DLG2: variants seen among roughly 807,000 people sequenced by gnomAD.
DLG2 encodes the protein disks large homolog 2.
In DLG2, 45 loss-of-function variants were observed where a neutral mutation model predicts 132.5. That is an observed-to-expected ratio of 0.34 (90% confidence interval 0.27 to 0.44). DLG2 has a LOEUF of 0.44. Among genes scored for constraint, DLG2 ranks in the 20% least tolerant of loss-of-function variants. DLG2 has a pLI of 1.00. For missense variants in DLG2, 1,045 were observed against 1,196.9 expected (o/e 0.87, Z 1.87); for synonymous variants, 424 against 419.6 (o/e 1.01, Z -0.13).
At chr11:84,945,673 C>T (rs916939268) in intron 6 of DLG2, among the ~76,000 whole-genome samples, 1 of 152,172 alleles carries the variant, frequency 6.6e-6, no homozygotes, top group Non-Finnish European at 1.5e-5. Flanking sequence ...AGCCTGCCAG[C>T]CCAGGGCACG....
At chr11:84,193,469 A>G (rs1349820) in intron 8 of DLG2, among the ~76,000 whole-genome samples, 100,208 of 152,038 alleles carry the variant, frequency 0.66, 34,646 homozygotes, top group Middle Eastern at 0.79. Flanking sequence ...CAGTGCTTAG[A>G]AGAATGGCTG....
intron 7 of DLG2, among the ~76,000 whole-genome samples, chr11:84,263,948 C>T (rs765404375): frequency 6.6e-5 from 10 of 152,202 alleles, no homozygotes; most frequent in South Asian, 2.1e-4. Context: ...CATTACAAGA[C>T]GAACAGGGTA....
At chr11:84,291,032 A>G (rs2097987569) in intron 7 of DLG2, among the ~76,000 whole-genome samples, 1 of 152,178 alleles carries the variant, frequency 6.6e-6, no homozygotes, top group African/African-American at 2.4e-5. Flanking sequence ...GGCATACATT[A>G]TACATTCAAT....
intron 7 of DLG2, among the ~76,000 whole-genome samples, chr11:84,470,496 A>G (rs1229428982): frequency 2.6e-5 from 4 of 151,786 alleles, no homozygotes; most frequent in African/African-American, 7.2e-5. Context: ...ATTTACTGAG[A>G]TAAGTGCTTG....
intron 6 of DLG2, among the ~76,000 whole-genome samples, chr11:84,646,319 GAA>G (rs2099674919): frequency 6.9e-6 from 1 of 144,470 alleles, no homozygotes; most frequent in African/African-American, 2.8e-5. Context: ...GGCTGTAAAT[GAA>G]AAGAAGGACT....
intron 16 of DLG2, among the ~76,000 whole-genome samples, chr11:83,868,454 C>T (rs1288808654): frequency 6.6e-6 from 1 of 152,020 alleles, no homozygotes; most frequent in African/African-American, 2.4e-5. Context: ...TATAAATAAA[C>T]TCTTCAGCTG....
At chr11:84,740,620 A>G (rs1207512106) in intron 6 of DLG2, among the ~76,000 whole-genome samples, 1 of 152,076 alleles carries the variant, frequency 6.6e-6, no homozygotes, top group Non-Finnish European at 1.5e-5. Context: ...CTCCATCTTC[A>G]TTCCACCAAT....
At chr11:83,923,183 C>A in intron 15 of DLG2, among the ~76,000 whole-genome samples, 1 of 152,174 alleles carries the variant, frequency 6.6e-6, no homozygotes, top group Middle Eastern at 3.4e-3. Flanking sequence ...GTGATAGCAA[C>A]AAAAATCAAT....
At chr11:84,188,894 T>C (rs1399270286) in intron 8 of DLG2, among the ~76,000 whole-genome samples, 1 of 152,190 alleles carries the variant, frequency 6.6e-6, no homozygotes, top group Non-Finnish European at 1.5e-5. Flanking sequence ...GCCTTCTTTT[T>C]GAAAGCCCTT....
intron 14 of DLG2, among the ~76,000 whole-genome samples, chr11:83,943,888 C>T (rs2083224610): frequency 6.6e-6 from 1 of 152,158 alleles, no homozygotes; most frequent in Non-Finnish European, 1.5e-5. Flanking sequence ...ATCTCTATTG[C>T]CTGAATCTTG....
At chr11:84,954,226 T>C (rs1435285666) in intron 6 of DLG2, among the ~76,000 whole-genome samples, 1 of 152,046 alleles carries the variant, frequency 6.6e-6, no homozygotes, top group Non-Finnish European at 1.5e-5. Context: ...CTCTCCTCTT[T>C]CTACTGTCTA....
intron 7 of DLG2, among the ~76,000 whole-genome samples, chr11:84,348,484 T>C (rs1195749064): frequency 6.6e-6 from 1 of 152,198 alleles, no homozygotes; most frequent in Admixed American, 6.5e-5. Context: ...CAGGGATCTC[T>C]GGAATAAATA....
chr11:84,264,008 G>A (rs970588814), intron 7 of DLG2, among the ~76,000 whole-genome samples: 1 of 152,060 alleles, frequency 6.6e-6, no homozygotes, highest in South Asian at 2.1e-4. Flanking sequence ...CATAACATCT[G>A]TAAGTCTAAG....
chr11:83,849,855 A>G (rs1236352149), intron 16 of DLG2, among the ~76,000 whole-genome samples: 2 of 152,044 alleles, frequency 1.3e-5, no homozygotes, highest in Non-Finnish European at 2.9e-5. Context: ...TGCTTACTGT[A>G]AATGAACTCC....
At chr11:84,172,591 G>A (rs2095850212) in intron 8 of DLG2, among the ~76,000 whole-genome samples, 1 of 151,762 alleles carries the variant, frequency 6.6e-6, no homozygotes, top group South Asian at 2.1e-4. Context: ...TGCCCAGGCT[G>A]GAGTGCAGTG....
chr11:85,296,707 T>C (rs1323133336), intron 3 of DLG2, among the ~76,000 whole-genome samples: 1 of 151,462 alleles, frequency 6.6e-6, no homozygotes, highest in African/African-American at 2.4e-5. Context: ...TGAAAGTCTG[T>C]AATTTCACCT....
intron 6 of DLG2, among the ~76,000 whole-genome samples, chr11:84,837,969 A>G (rs1424920080): frequency 6.6e-6 from 1 of 151,790 alleles, no homozygotes; most frequent in Non-Finnish European, 1.5e-5. Context: ...TTGTGCCTTA[A>G]CAAATGCTAC....
intron 6 of DLG2, among the ~76,000 whole-genome samples, chr11:84,996,880 A>C (rs2057704650): frequency 6.6e-6 from 1 of 152,208 alleles, no homozygotes; most frequent in African/African-American, 2.4e-5. Flanking sequence ...GATATGTGAC[A>C]GATAGGACAT....
chr11:85,597,970 GA>G (rs1353421185), intron 3 of DLG2, among the ~76,000 whole-genome samples: 2 of 150,240 alleles, frequency 1.3e-5, no homozygotes, highest in Non-Finnish European at 3.0e-5. Context: ...ATATAAAAAA[GA>G]ATTAAAAGCT....
Sources: allele counts gnomAD v4.1 joint callset (sites outside exome capture counted in the v4.1 genomes callset), GRCh38; gene constraint gnomAD v4.1.1; transcripts MANE v1.5; gene names NCBI Gene and HGNC (gene_info 2026-07-23, HGNC 2026-07-21).